The following GET1 variants were observed in gnomAD, a reference collection of about 807,000 sequenced individuals.
The protein encoded by GET1 is congenital heart disease 5 protein.
A neutral mutation model predicts 22.6 loss-of-function variants in GET1; 20 were observed. The ratio of observed to expected loss-of-function variants is 0.89; its 90% CI spans 0.62 to 1.29. The LOEUF (loss-of-function observed/expected upper bound fraction) is 1.29, where lower values mean the gene tolerates loss of function less well. GET1 is among the 50% of genes most tolerant of loss of function. The pLI is 0.00. For missense variants in GET1, 209 were observed against 219.9 expected, an observed-to-expected ratio of 0.95 and a Z score of 0.31; for synonymous variants, 92 against 83.8, an observed-to-expected ratio of 1.10 and a Z score of -0.53.
chr21:39,405,406 C>A (rs2147045089), intron 4 of GET1, among the ~76,000 whole-genome samples: 1 of 152,290 alleles, frequency 6.6e-6, no homozygotes, highest in East Asian at 1.9e-4. Context: ...GTTGGCCAGG[C>A]TGGTCTTAAA....
intron 2 of GET1, 200 bp from the exon 3 acceptor site, chr21:39,391,569 T>C: frequency 1.8e-6 from 1 of 551,670 alleles, no homozygotes; most frequent in Non-Finnish European, 3.2e-6. Flanking sequence ...TCAATCTGAG[T>C]CGGATACTAT....
At chr21:39,426,949 A>T (rs1310370123) in intron 1 of GET1, among the ~76,000 whole-genome samples, 5 of 152,252 alleles carry the variant, frequency 3.3e-5, no homozygotes, top group African/African-American at 1.2e-4. Flanking sequence ...ACACACATAG[A>T]CACAAAAAAA....
At chr21:39,390,572 G>A in intron 1 of GET1, 126 bp from the exon 2 acceptor site, 1 of 1,285,808 alleles carries the variant, frequency 7.8e-7, no homozygotes, top group Non-Finnish European at 1.1e-6. Context: ...ATTCAGTCCT[G>A]CAGGGACGCA....
intron 2 of GET1, chr21:39,391,071 G>C: frequency 2.3e-6 from 1 of 433,584 alleles, no homozygotes; most frequent in Non-Finnish European, 4.0e-6. Flanking sequence ...AAATATCTAA[G>C]ATCCTCTCAG....
At chr21:39,388,149 C>T (rs1183653683) in intron 1 of GET1, among the ~76,000 whole-genome samples, 2 of 152,012 alleles carry the variant, frequency 1.3e-5, no homozygotes, top group African/African-American at 4.8e-5. Context: ...CCGAGGCTGG[C>T]GGATCGCTTG....
chr21:39,415,184 GC>G (rs2040916644), intron 1 of GET1, among the ~76,000 whole-genome samples: 1 of 152,150 alleles, frequency 6.6e-6, no homozygotes, highest in Admixed American at 6.5e-5. Flanking sequence ...AAGCCACCAT[GC>G]CTGGCTTGGA....
At chr21:39,421,008 A>C (rs957757209) in intron 1 of GET1, among the ~76,000 whole-genome samples, 5 of 152,230 alleles carry the variant, frequency 3.3e-5, no homozygotes, top group South Asian at 2.1e-4. Flanking sequence ...AACCGAAAGA[A>C]AGACCCCAAA....
At chr21:39,387,734 G>T in intron 1 of GET1, 1 of 983,304 alleles carries the variant, frequency 1.0e-6, no homozygotes, top group Non-Finnish European at 1.2e-6. Flanking sequence ...GCTGGTAGGC[G>T]GCATCACTGG....
At chr21:39,406,274 C>A (rs973155514) in exon 5 of GET1, 1 of 1,614,228 alleles carries the variant, frequency 6.2e-7, no homozygotes, top group African/African-American at 1.3e-5. Context: ...GCTGGCCCCC[C>A]TGAAGCAGGA....
intron 1 of GET1, chr21:39,420,933 G>C: frequency 1.0e-6 from 1 of 979,256 alleles, no homozygotes; most frequent in Non-Finnish European, 1.5e-6. Context: ...TTTATGAAAA[G>C]TGCACATTTT....
chr21:39,424,604 G>A (rs2074322711), intron 1 of GET1, among the ~76,000 whole-genome samples: 2 of 152,020 alleles, frequency 1.3e-5, no homozygotes, highest in Non-Finnish European at 2.9e-5. Context: ...ATATGTTATG[G>A]GTAATTAGAG....
chr21:39,423,275 G>A (rs763762859), intron 1 of GET1: 16 of 1,609,696 alleles, frequency 9.9e-6, no homozygotes, highest in African/African-American at 5.3e-5. Context: ...AAATGCCTAA[G>A]CTGAAGTTGT....
intron 1 of GET1, chr21:39,381,049 A>C: frequency 2.8e-6 from 2 of 720,176 alleles, no homozygotes; most frequent in Non-Finnish European, 3.4e-6. Flanking sequence ...CCTCTGTCTC[A>C]CGGCTGCTGG....
At chr21:39,391,899 T>A (rs780130837) in intron 3 of GET1, 63 bp downstream of exon 3, 1 of 1,539,742 alleles carries the variant, frequency 6.5e-7, no homozygotes, top group Non-Finnish European at 9.0e-7. Flanking sequence ...CAGAGCCGTG[T>A]CTGCAGATCC....
intron 1 of GET1, among the ~76,000 whole-genome samples, chr21:39,383,735 C>T (rs1301408711): frequency 5.3e-5 from 8 of 150,126 alleles, no homozygotes; most frequent in African/African-American, 1.2e-4. Context: ...TGAGCCACTG[C>T]GCCCAGCTAA....
At chr21:39,423,476 A>C (rs772137118) in intron 1 of GET1, 6 of 1,563,994 alleles carry the variant, frequency 3.8e-6, no homozygotes, top group African/African-American at 2.7e-5. Flanking sequence ...TTTTCAACTG[A>C]TATTTCCTTC....
intron 1 of GET1, among the ~76,000 whole-genome samples, chr21:39,413,541 G>A (rs115803683): frequency 2.0e-5 from 3 of 152,138 alleles, no homozygotes; most frequent in African/African-American, 7.2e-5. Context: ...CATAAAATTA[G>A]TTTATTATCA....
downstream of GET1, among the ~76,000 whole-genome samples, chr21:39,410,522 GT>G (rs1388958290): frequency 6.6e-6 from 1 of 152,122 alleles, no homozygotes; most frequent in East Asian, 1.9e-4. Context: ...TTAGTTTCCT[GT>G]TTTTCCCTCC....
At chr21:39,415,930 G>A (rs762721991) in intron 1 of GET1, among the ~76,000 whole-genome samples, 11 of 152,204 alleles carry the variant, frequency 7.2e-5, no homozygotes, top group Middle Eastern at 3.4e-3. Context: ...GTTTAGGTTC[G>A]GTTCGTTGGC....
Sources: allele counts gnomAD v4.1 joint callset (sites outside exome capture counted in the v4.1 genomes callset), GRCh38; gene constraint gnomAD v4.1.1; transcripts MANE v1.5; gene names NCBI Gene and HGNC (gene_info 2026-07-23, HGNC 2026-07-21).